PAM: variants seen among roughly 807,000 people sequenced by gnomAD.
PAM encodes peptidyl-glycine alpha-amidating monooxygenase.
A neutral mutation model predicts 122.1 loss-of-function variants in PAM; 72 were observed. The ratio of observed to expected loss-of-function variants is 0.59; its 90% CI spans 0.49 to 0.72. PAM has a LOEUF of 0.72. Ranked by LOEUF, PAM falls within the 30% of genes least tolerant of loss-of-function variation. The pLI, the probability that PAM is intolerant of heterozygous loss-of-function variation, is 0.00. For synonymous variants in PAM, 389 were observed against 404.4 expected, an observed-to-expected ratio of 0.96 and a Z score of 0.46; for missense variants, 1,106 against 1,183.7, an observed-to-expected ratio of 0.93 and a Z score of 0.96.
chr5:102,952,680 TA>T (rs1759343741), intron 12 of PAM, among the ~76,000 whole-genome samples: 2 of 152,216 alleles, frequency 1.3e-5, no homozygotes, highest in African/African-American at 4.8e-5. Flanking sequence ...ATATGCTTTT[TA>T]TTTTTAGACA....
chr5:102,764,691 A>G (rs1459053450), intron 1 of PAM, among the ~76,000 whole-genome samples: 1 of 152,202 alleles, frequency 6.6e-6, no homozygotes, highest in East Asian at 1.9e-4. Context: ...GTCCCTTACT[A>G]TATCAACTAC....
chr5:102,817,842 C>T (rs371507784), intron 1 of PAM, among the ~76,000 whole-genome samples: 1 of 151,858 alleles, frequency 6.6e-6, no homozygotes, highest in Non-Finnish European at 1.5e-5. Flanking sequence ...CCCTGTCTAC[C>T]TTTTGACTTT....
chr5:102,862,658 A>AT (rs1417411487), intron 1 of PAM, among the ~76,000 whole-genome samples: 4 of 152,164 alleles, frequency 2.6e-5, no homozygotes, highest in Non-Finnish European at 5.9e-5. Context: ...TTCAATATAT[A>AT]TTTGTTGCAA....
At chr5:102,952,296 G>C (rs989719484) in intron 12 of PAM, among the ~76,000 whole-genome samples, 3 of 152,134 alleles carry the variant, frequency 2.0e-5, no homozygotes, top group Admixed American at 2.0e-4. Flanking sequence ...AGAAATTAAT[G>C]ACTTGTTATA....
Position 102,810,662 on chromosome 5 carries a change from G to C in PAM, c.-373-55161G>C, listed in dbSNP as rs571833805. Among the ~76,000 whole-genome samples, 9 of 152,016 alleles carry C rather than the reference G, an allele frequency of 5.9e-5. No individual in the cohort carries two copies. The East Asian group carries it at 1.4e-3, about 23-fold the overall frequency. On this transcript the variant is annotated intron_variant, in intron 1 of 25. Coordinates refer to ENST00000438793, the MANE Select transcript of PAM (RefSeq NM_001177306.2). ...CCTGACCAACATGGAGAACCCGTCT[G>C]TACTAAAAATACAAAATTAGTCAGG...
intron 1 of PAM, among the ~76,000 whole-genome samples, chr5:102,861,077 A>G (rs1040281480): frequency 6.6e-6 from 1 of 152,212 alleles, no homozygotes; most frequent in African/African-American, 2.4e-5. Flanking sequence ...GAGAGAAGCC[A>G]CATATTGAGG....
At chr5:102,923,972 C>A (rs954069449) in intron 5 of PAM, among the ~76,000 whole-genome samples, 2 of 152,168 alleles carry the variant, frequency 1.3e-5, no homozygotes, top group Non-Finnish European at 2.9e-5. Flanking sequence ...TACAGAATAA[C>A]TCTGTGATGT....
In PAM at chr5:102,815,878, C is replaced by T. The variant is rs148215347; in HGVS notation, c.-373-49945C>T. ...CTAGTCACTGTAGTTTTCATTATAA[C>T]AATCTCCTTTATAAATTTGGTTTGC... On this transcript the variant is annotated intron_variant, in intron 1 of 25. Coordinates refer to ENST00000438793, the MANE Select transcript of PAM (RefSeq NM_001177306.2). Among the ~76,000 whole-genome samples the T allele has an allele frequency of 1.4e-3, 218 of 152,218 alleles. 2 individuals carry two copies. The highest frequency in any genetic ancestry group is 5.1e-3 in the African/African-American group (212 of 41,548).
chr5:102,898,024 TA>T (rs1796667353), intron 3 of PAM, among the ~76,000 whole-genome samples: 1 of 151,642 alleles, frequency 6.6e-6, no homozygotes, highest in African/African-American at 2.4e-5. Flanking sequence ...AACTCTTGGT[TA>T]AAAATGGGGA....
intron 16 of PAM, among the ~76,000 whole-genome samples, chr5:103,002,606 AAG>A (rs1777738214): frequency 6.6e-6 from 1 of 152,198 alleles, no homozygotes. Flanking sequence ...ATTAATGACA[AAG>A]TTAAAATAAG....
intron 19 of PAM, 85 bp from the exon 20 acceptor site, chr5:103,007,372 T>C (rs1218701710): frequency 4.6e-6 from 5 of 1,080,298 alleles, no homozygotes; most frequent in Admixed American, 1.9e-5. Context: ...AATGGTTTAC[T>C]ATCATGAATT....
chr5:102,825,020 C>G (rs1399708980), intron 1 of PAM, among the ~76,000 whole-genome samples: 1 of 152,124 alleles, frequency 6.6e-6, no homozygotes, highest in East Asian at 1.9e-4. Context: ...TTCCTAAGAT[C>G]CAAGAAACTG....
chr5:102,898,922 T>C (rs1796921247), intron 3 of PAM, among the ~76,000 whole-genome samples: 1 of 151,686 alleles, frequency 6.6e-6, no homozygotes, highest in African/African-American at 2.4e-5. Flanking sequence ...TTCAGCTTCA[T>C]TTTTCCATGC....
intron 1 of PAM, among the ~76,000 whole-genome samples, chr5:102,764,460 CA>C (rs1437343459): frequency 2.0e-5 from 3 of 151,950 alleles, no homozygotes; most frequent in Non-Finnish European, 4.4e-5. Flanking sequence ...ACTAACTGTG[CA>C]AAGATTCTCT....
chr5:102,820,221 A>C (rs1040129342), intron 1 of PAM, among the ~76,000 whole-genome samples: 10 of 149,866 alleles, frequency 6.7e-5, no homozygotes, highest in Admixed American at 6.6e-4. Flanking sequence ...AGATTGTTAG[A>C]GATGATTTCA....
chr5:103,025,817 G>A (rs1047400227), intron 24 of PAM, among the ~76,000 whole-genome samples: 1 of 151,822 alleles, frequency 6.6e-6, no homozygotes, highest in Admixed American at 6.6e-5. Context: ...AAAAAAGTGG[G>A]GATAAAATAG....
At chr5:102,959,328 C>T (rs760643824) in intron 12 of PAM, among the ~76,000 whole-genome samples, 20 of 152,028 alleles carry the variant, frequency 1.3e-4, no homozygotes, top group African/African-American at 2.4e-4. Context: ...AGTGGGGACA[C>T]ATGATTCTAG....
intron 1 of PAM, among the ~76,000 whole-genome samples, chr5:102,837,321 C>T (rs1455921212): frequency 1.3e-5 from 2 of 152,044 alleles, no homozygotes; most frequent in Admixed American, 1.3e-4. Flanking sequence ...GTCTTCTGTC[C>T]CCTTCCAAAA....
At chr5:102,992,575 C>G (rs540698432) in intron 16 of PAM, among the ~76,000 whole-genome samples, 11 of 152,178 alleles carry the variant, frequency 7.2e-5, no homozygotes, top group African/African-American at 2.4e-4. Flanking sequence ...GCCATCATTC[C>G]TAAGTCACAT....
Sources: allele counts gnomAD v4.1 joint callset (sites outside exome capture counted in the v4.1 genomes callset), GRCh38; gene constraint gnomAD v4.1.1; transcripts MANE v1.5; gene names NCBI Gene and HGNC (gene_info 2026-07-23, HGNC 2026-07-21).